Variants in IL22RA2 observed in about 807,000 individuals in gnomAD.
The protein encoded by IL22RA2 is interleukin-22 receptor subunit alpha-2.
A neutral mutation model predicts 30.7 loss-of-function variants in IL22RA2; 39 were observed. That is an observed-to-expected ratio of 1.27 (90% CI 0.98 to 1.66). The LOEUF (loss-of-function observed/expected upper bound fraction) is 1.66. Ranked by LOEUF, IL22RA2 falls within the 40% of genes most tolerant of loss-of-function variation. The probability of loss-of-function intolerance (pLI) is 0.00; values close to 1 mark genes in which losing one functional copy is unlikely to be tolerated. For missense variants in IL22RA2, 315 were observed against 312.7 expected (o/e 1.01, Z -0.05); for synonymous variants, 103 against 105.0 (o/e 0.98, Z 0.11).
In IL22RA2 at chr6:137,145,443, G is replaced by A. The variant is rs893950166; in HGVS notation, c.*181C>T. On this transcript the variant is annotated 3_prime_UTR_variant, in exon 7 of 7. Coordinates refer to ENST00000296980, the MANE Select transcript of IL22RA2 (RefSeq NM_052962.3). ...TCGGGGGGAATGTCGTTCAAATATAGTTTACAAATGAAATATAAAGGATAA... is the reference window on the plus strand; with the variant it reads ...TCGGGGGGAATGTCGTTCAAATATAATTTACAAATGAAATATAAAGGATAA... The A allele has an allele frequency of 3.9e-6, 2 of 519,222 alleles. No individual in the cohort carries two copies. Among genetic ancestry groups the A allele is most frequent in the Non-Finnish European group, 3.3e-6 (1 of 307,288 alleles). 32.2% of individuals were successfully genotyped at this position (519,222 alleles called of 1,614,324 possible). A position where few individuals can be genotyped will look rare whatever the true frequency, so the allele number is the denominator to read the frequency against.
Position 137,148,541 on chromosome 6 carries a change from G to T in IL22RA2, c.473-650C>A, listed in dbSNP as rs537319483. ...TACCACATCCAGCAAATGCCTTCAGGGCAGCTGGGGCAGTCACTGTGTTGG... is the reference window on the plus strand; with the variant it reads ...TACCACATCCAGCAAATGCCTTCAGTGCAGCTGGGGCAGTCACTGTGTTGG... On this transcript the variant is annotated intron_variant, in intron 5 of 6. Transcript: ENST00000296980. 2.0e-5 allele frequency among the ~76,000 whole-genome samples: 3 copies of T among 152,260 alleles called. No homozygotes were observed. In the South Asian group the frequency reaches 6.2e-4, roughly 32 times the overall value.
intron 1 of IL22RA2, among the ~76,000 whole-genome samples, chr6:137,164,375 C>G (rs191074835): frequency 4.6e-5 from 7 of 152,214 alleles, no homozygotes; most frequent in African/African-American, 1.7e-4. Context: ...TAATTCAGAC[C>G]CTCCCTAAGT....
Position 137,149,945 on chromosome 6 carries a change from C to T in IL22RA2, c.473-2054G>A, listed in dbSNP as rs375132193. Among the ~76,000 whole-genome samples, 143 of 152,328 alleles carry T rather than the reference C, an allele frequency of 9.4e-4. 3 individuals are homozygous for T. The South Asian group carries it at 0.028, about 30-fold the overall frequency. ...CCTCCTACCTCGGCCTCCCAAAGTG[C>T]TGGGATTACAGGCATGGAGCCAACA... On this transcript the variant is annotated intron_variant, in intron 5 of 6. Transcript: ENST00000296980.
intron 4 of IL22RA2, among the ~76,000 whole-genome samples, chr6:137,155,489 A>T (rs1436739573): frequency 6.6e-6 from 1 of 151,268 alleles, no homozygotes; most frequent in African/African-American, 2.4e-5. Context: ...TTCAAGAGAG[A>T]TGGCATATAC....
rs6570136 is a variant in IL22RA2 at position 137,173,485 on chromosome 6, G to A, written c.-138C>T. 0.5 allele frequency: 76,474 copies of A among 152,134 alleles called. 20,738 individuals carry two copies. The highest frequency in any genetic ancestry group is 0.71 in the African/African-American group (29,310 of 41,522). 9.4% of individuals were successfully genotyped at this position (152,134 alleles called of 1,614,324 possible). On this transcript the variant is annotated 5_prime_UTR_variant, in exon 1 of 7. Coordinates refer to ENST00000296980, the MANE Select transcript of IL22RA2 (RefSeq NM_052962.3). ...TAATAAGATCTAATAATTATGGGACGCCATGTTATGTTTTTCCCATATTTT... is the reference window on the plus strand; with the variant it reads ...TAATAAGATCTAATAATTATGGGACACCATGTTATGTTTTTCCCATATTTT...
chr6:137,156,886 G>T, intron 3 of IL22RA2, 32 bp from the exon 4 acceptor site: 1 of 1,595,218 alleles, frequency 6.3e-7, no homozygotes, highest in South Asian at 1.1e-5. Context: ...AACAGATCGT[G>T]TGAAGAGGCC....
intron 2 of IL22RA2, among the ~76,000 whole-genome samples, chr6:137,159,887 GAA>G (rs1374135684): frequency 6.6e-6 from 1 of 152,222 alleles, no homozygotes; most frequent in Non-Finnish European, 1.5e-5. Flanking sequence ...TCTCAGCTCT[GAA>G]CTTTCAAGAC....
Position 137,167,563 on chromosome 6 carries a change from G to A in IL22RA2, c.-65-5749C>T, listed in dbSNP as rs150658926. 2.8e-4 allele frequency among the ~76,000 whole-genome samples: 42 copies of A among 152,308 alleles called. 1 individual carries two copies. The highest frequency in any genetic ancestry group is 9.9e-4 in the African/African-American group (41 of 41,558). On this transcript the variant is annotated intron_variant, in intron 1 of 6. Coordinates refer to ENST00000296980, the MANE Select transcript of IL22RA2 (RefSeq NM_052962.3). ...CCCTTCTAACCTGGAGACTCTGTCT[G>A]GGTCAAACAATGGAACCCAACCACT...
chr6:137,171,164 C>T (rs1318488298), intron 1 of IL22RA2, among the ~76,000 whole-genome samples: 1 of 152,206 alleles, frequency 6.6e-6, no homozygotes, highest in Non-Finnish European at 1.5e-5. Context: ...CAAATATTTG[C>T]TGTCCTACCA....
chr6:137,164,600 G>A (rs962346741), intron 1 of IL22RA2, among the ~76,000 whole-genome samples: 6 of 152,304 alleles, frequency 3.9e-5, no homozygotes, highest in Admixed American at 1.3e-4. Flanking sequence ...AGGCTGCCCC[G>A]GCTGCCTCCG....
chr6:137,161,754 G>T lies in IL22RA2; in HGVS notation c.-5C>A. 1 of 1,612,812 alleles carries T rather than the reference G, an allele frequency of 6.2e-7. No homozygotes were observed. The highest frequency in any genetic ancestry group is 1.7e-4 in the Middle Eastern group (1 of 6,060). On this transcript the variant is annotated 5_prime_UTR_variant, in exon 2 of 7. Transcript: ENST00000296980. ...AAAGCAATGTTTAGGCATCATGGTTGCAAGTGTGACTGTTCAGGCAACCAG... is the reference window on the plus strand; with the variant it reads ...AAAGCAATGTTTAGGCATCATGGTTTCAAGTGTGACTGTTCAGGCAACCAG...
intron 5 of IL22RA2, among the ~76,000 whole-genome samples, chr6:137,149,408 C>T (rs1037426268): frequency 3.9e-5 from 6 of 152,158 alleles, no homozygotes; most frequent in Admixed American, 2.0e-4. Flanking sequence ...TGGTCTTTTT[C>T]ATCAAACCCC....
chr6:137,154,994 G>C lies in IL22RA2; in HGVS notation c.419C>G (p.Ala140Gly). 2 of 1,614,042 alleles carry C rather than the reference G, an allele frequency of 1.2e-6. No homozygotes were observed. Among genetic ancestry groups the C allele is most frequent in the South Asian group, 1.1e-5 (1 of 91,068 alleles). The change falls in exon 5 of 7, where the codon GCT becomes GGT. Residue 140 changes from alanine to glycine, a missense_variant. By Grantham distance (60) the Ala-to-Gly change is moderately conservative (BLOSUM62 0). Coordinates refer to ENST00000296980, the MANE Select transcript of IL22RA2 (RefSeq NM_052962.3). The part of the protein sequence containing the change: ...PYYGRVRAAS[A>G]GSYSEWSMTP... ...CATGCTCCATTCTGAGTAGCTCCCAGCCGAGGCCGCCCTCACCCTCCCGTA... is the reference window on the plus strand; with the variant it reads ...CATGCTCCATTCTGAGTAGCTCCCACCCGAGGCCGCCCTCACCCTCCCGTA...
rs760858060 is a variant in IL22RA2 at position 137,162,168 on chromosome 6, G to T, written c.-65-354C>A. Among the ~76,000 whole-genome samples, 104 of 152,184 alleles carry T rather than the reference G, an allele frequency of 6.8e-4. 1 individual carries two copies. Among genetic ancestry groups the T allele is most frequent in the Non-Finnish European group, 2.2e-4 (15 of 68,026 alleles). The stretch of plus-strand genomic sequence containing the variant: ...CCCAGGAGGCGGAGAGGCTGCCAAG[G>T]ACTAGGACTTGGCTGCCAGGGTGAT... On this transcript the variant is annotated intron_variant, in intron 1 of 6. Transcript: ENST00000296980.
At chr6:137,159,949 C>T (rs1436948914) in intron 2 of IL22RA2, among the ~76,000 whole-genome samples, 1 of 152,224 alleles carries the variant, frequency 6.6e-6, no homozygotes, top group African/African-American at 2.4e-5. Context: ...TTCTTCTTAC[C>T]AACCAAATAG....
At chr6:137,168,511 G>C (rs1290124746) in intron 1 of IL22RA2, among the ~76,000 whole-genome samples, 1 of 152,142 alleles carries the variant, frequency 6.6e-6, no homozygotes, top group Non-Finnish European at 1.5e-5. Flanking sequence ...TGGACCATCT[G>C]TAAAAATCTA....
In IL22RA2 at chr6:137,156,778, C is replaced by A. The variant is rs762470187; in HGVS notation, c.274G>T (p.Gly92Cys). 6.2e-7 allele frequency: 1 copy of A among 1,613,834 alleles called. No individual in the cohort carries two copies. The highest frequency in any genetic ancestry group is 8.5e-7 in the Non-Finnish European group (1 of 1,179,770). ...CWQHISCNFP[G>C]CRTLAKYGQR... is the part of the protein sequence containing the mutation. The stretch of plus-strand genomic sequence containing the variant: ...GTGTACTTAGCCAATGTTCTGCAGC[C>A]TGGGAAGTTACAAGAAATGTGCTGC... The change falls in exon 4 of 7, where the codon GGC becomes TGC. Residue 92 changes from glycine to cysteine, a missense_variant. Physicochemically the swap from Gly to Cys is radical, Grantham distance 159. Transcript: ENST00000296980.
chr6:137,156,745 GAA>G lies in IL22RA2; in HGVS notation c.293+12_293+13del, dbSNP rs775450901. ...CACCTGAGGCTAGGTAATTGATAAG[GAA>G]AAGAGGTGTACTTAGCCAATGTTCT... On this transcript the variant is annotated intron_variant, in intron 4 of 6. Coordinates refer to ENST00000296980, the MANE Select transcript of IL22RA2 (RefSeq NM_052962.3). The G allele has an allele frequency of 6.2e-7, 1 of 1,611,062 alleles. No individual in the cohort carries two copies. Among genetic ancestry groups the G allele is most frequent in the Non-Finnish European group, 8.5e-7 (1 of 1,177,444 alleles).
intron 1 of IL22RA2, among the ~76,000 whole-genome samples, chr6:137,163,445 GA>G: frequency 6.6e-6 from 1 of 152,310 alleles, no homozygotes; most frequent in African/African-American, 2.4e-5. Context: ...CAGGACATGG[GA>G]AATCTGGGGT....
Sources: gnomAD v4.1 joint callset for allele counts (sites outside exome capture counted in the v4.1 genomes callset) on GRCh38, gnomAD v4.1.1 for gene constraint, MANE v1.5 for transcripts, NCBI Gene and HGNC (gene_info 2026-07-23, HGNC 2026-07-21) for gene names.